Variants in ACOXL observed in about 807,000 individuals in gnomAD.
ACOXL encodes the protein acyl-coenzyme A oxidase-like protein.
In ACOXL, 70 loss-of-function variants were observed where a neutral mutation model predicts 71.9. That is an observed-to-expected ratio of 0.97 (90% CI 0.80 to 1.19). The LOEUF is 1.19. ACOXL is among the 50% of genes most tolerant of loss of function. ACOXL has a pLI of 0.00. For synonymous variants in ACOXL, 253 were observed against 281.6 expected (o/e 0.90, Z 1.02); for missense variants, 703 against 736.3 (o/e 0.95, Z 0.52).
intron 10 of ACOXL, among the ~76,000 whole-genome samples, chr2:110,897,271 T>C (rs2059051496): frequency 6.6e-6 from 1 of 152,212 alleles, no homozygotes; most frequent in Admixed American, 6.5e-5. Flanking sequence ...GCTAAATGCA[T>C]ATATTAGAAA....
chr2:110,815,714 A>G (rs553268961), intron 9 of ACOXL, among the ~76,000 whole-genome samples: 1 of 152,314 alleles, frequency 6.6e-6, no homozygotes, highest in South Asian at 2.1e-4. Flanking sequence ...AGAGGCAGGA[A>G]CCGAAGGAGG....
rs113932551 is a variant in ACOXL, at chr2:110,739,787, T to C, written c.-23+7013T>C. ...CAGCTAGTTGGCTCCGTCAGCCCTG[T>C]AGACTTAGCATCCTCTGTTCTGCTA... On this transcript the variant is annotated intron_variant, in intron 1 of 17. Transcript: ENST00000439055. Among the ~76,000 whole-genome samples the C allele has an allele frequency of 1.1e-3, 174 of 152,338 alleles. 1 individual carries two copies. The highest frequency in any genetic ancestry group is 4.1e-3 in the African/African-American group (170 of 41,580).
intron 8 of ACOXL, among the ~76,000 whole-genome samples, chr2:110,803,672 C>T (rs906103177): frequency 3.3e-5 from 5 of 152,138 alleles, no homozygotes; most frequent in African/African-American, 1.2e-4. Context: ...ATAAATTGGA[C>T]TTCATCGAAG....
chr2:110,788,926 G>A (rs1305359650), intron 3 of ACOXL, among the ~76,000 whole-genome samples: 1 of 152,254 alleles, frequency 6.6e-6, no homozygotes, highest in Non-Finnish European at 1.5e-5. Context: ...GCCAGCTCAA[G>A]AGCCACTGGT....
At chr2:111,116,963 G>A (rs2070400777) in intron 17 of ACOXL, among the ~76,000 whole-genome samples, 3 of 152,212 alleles carry the variant, frequency 2.0e-5, no homozygotes, top group African/African-American at 7.2e-5. Flanking sequence ...AGAACCAAGG[G>A]CATCCGCGGC....
intron 8 of ACOXL, among the ~76,000 whole-genome samples, chr2:110,804,388 G>T (rs1209297314): frequency 6.6e-6 from 1 of 152,112 alleles, no homozygotes; most frequent in African/African-American, 2.4e-5. Flanking sequence ...CAAAATGGTG[G>T]CACCAACTAG....
intron 1 of ACOXL, among the ~76,000 whole-genome samples, chr2:110,738,400 A>G (rs1677130909): frequency 6.6e-6 from 1 of 152,214 alleles, no homozygotes; most frequent in African/African-American, 2.4e-5. Flanking sequence ...GTACCTGGGA[A>G]TTAACTTTTC....
At chr2:110,951,705 ATTAT>A (rs2061339045) in intron 12 of ACOXL, among the ~76,000 whole-genome samples, 1 of 152,126 alleles carries the variant, frequency 6.6e-6, no homozygotes, top group African/African-American at 2.4e-5. Flanking sequence ...ATTTTATGGA[ATTAT>A]TTATCTGCAT....
intron 10 of ACOXL, among the ~76,000 whole-genome samples, chr2:110,874,082 GC>G (rs1451330832): frequency 1.3e-5 from 2 of 152,224 alleles, no homozygotes; most frequent in African/African-American, 4.8e-5. Context: ...CGGGGAGGAT[GC>G]CCAGAGGGCA....
chr2:110,765,003 G>A (rs535161227), intron 1 of ACOXL, among the ~76,000 whole-genome samples: 1 of 152,182 alleles, frequency 6.6e-6, no homozygotes, highest in African/African-American at 2.4e-5. Context: ...GGCCTGATAA[G>A]ATTTTTATTA....
chr2:111,003,550 C>CA lies in ACOXL; in HGVS notation c.1281+7575dup, dbSNP rs548001377. The stretch of plus-strand genomic sequence containing the variant: ...TGGGCGACAGGGCGAGACTCTGTCT[C>CA]AAAAAAAAAAAAAAAAAAAAAAAAA... On this transcript the variant is annotated intron_variant, in intron 14 of 17. Transcript: ENST00000439055. 7.4e-4 allele frequency among the ~76,000 whole-genome samples: 26 copies of CA among 35,336 alleles called. 3 individuals carry two copies. Among genetic ancestry groups the CA allele is most frequent in the East Asian group, 3.0e-3 (5 of 1,650 alleles). The allele number at this position is 35,336 out of a possible 152,430, so 23.2% of individuals were successfully genotyped here. A position where few individuals can be genotyped will look rare whatever the true frequency, so the allele number is the denominator to read the frequency against.
intron 12 of ACOXL, among the ~76,000 whole-genome samples, chr2:110,947,161 G>A (rs879614365): frequency 7.2e-5 from 11 of 152,206 alleles, no homozygotes; most frequent in East Asian, 1.9e-4. Flanking sequence ...GTCATGTGAC[G>A]CAGGCCTGGC....
intron 17 of ACOXL, chr2:111,113,211 C>T (rs148983472): frequency 6.6e-6 from 1 of 152,228 alleles, no homozygotes; most frequent in African/African-American, 2.4e-5. Flanking sequence ...AAAAAAAAGC[C>T]CTGGATTAAA....
chr2:111,058,031 G>C (rs911182885), intron 16 of ACOXL, among the ~76,000 whole-genome samples: 14 of 152,320 alleles, frequency 9.2e-5, no homozygotes, highest in African/African-American at 3.4e-4. Flanking sequence ...TTTCCTCTGT[G>C]CACAGCTCTG....
intron 16 of ACOXL, among the ~76,000 whole-genome samples, chr2:111,077,983 T>C (rs2067689814): frequency 6.6e-6 from 1 of 152,206 alleles, no homozygotes; most frequent in Non-Finnish European, 1.5e-5. Context: ...CTTTTGACAT[T>C]ATATCTTCAA....
At chr2:110,874,891 C>T (rs1695715519) in intron 10 of ACOXL, among the ~76,000 whole-genome samples, 1 of 152,194 alleles carries the variant, frequency 6.6e-6, no homozygotes, top group African/African-American at 2.4e-5. Context: ...ACACGTGCTT[C>T]AGGCCCCAGA....
At chr2:110,864,512 C>G (rs142112069) in intron 10 of ACOXL, among the ~76,000 whole-genome samples, 4 of 152,322 alleles carry the variant, frequency 2.6e-5, no homozygotes, top group African/African-American at 9.6e-5. Context: ...TTAAGACTTG[C>G]TGAGTTATGG....
chr2:110,816,103 G>T (rs949834211), intron 9 of ACOXL, among the ~76,000 whole-genome samples: 3 of 152,030 alleles, frequency 2.0e-5, no homozygotes, highest in Admixed American at 6.6e-5. Flanking sequence ...GTGGGTAGAT[G>T]AATGGATGGG....
chr2:110,744,093 G>A (rs1454038045), intron 1 of ACOXL, among the ~76,000 whole-genome samples: 1 of 152,124 alleles, frequency 6.6e-6, no homozygotes, highest in African/African-American at 2.4e-5. Context: ...AAGAACTCTG[G>A]CTGATACCTG....
Sources: allele counts gnomAD v4.1 joint callset (sites outside exome capture counted in the v4.1 genomes callset), GRCh38; gene constraint gnomAD v4.1.1; transcripts MANE v1.5; gene names NCBI Gene and HGNC (gene_info 2026-07-23, HGNC 2026-07-21).